The following GUCY1A2 variants were observed in gnomAD, a reference collection of about 807,000 sequenced individuals.
GUCY1A2 encodes the protein guanylate cyclase 1 soluble subunit alpha 2.
In GUCY1A2, 27 loss-of-function variants were observed where a neutral mutation model predicts 63.5. The ratio of observed to expected loss-of-function variants is 0.43; its 90% confidence interval spans 0.31 to 0.59. The LOEUF is 0.59. Among genes scored for constraint, GUCY1A2 ranks in the 20% least tolerant of loss-of-function variants. The probability of loss-of-function intolerance (pLI) is 0.11; values close to 1 mark genes in which losing one functional copy is unlikely to be tolerated. For synonymous variants in GUCY1A2, 364 were observed against 343.5 expected (o/e 1.06, Z -0.66); for missense variants, 768 against 913.3 (o/e 0.84, Z 2.05).
intron 6 of GUCY1A2, among the ~76,000 whole-genome samples, chr11:106,764,978 G>T (rs1358977031): frequency 3.3e-5 from 3 of 90,940 alleles, no homozygotes; most frequent in Admixed American, 1.2e-4. Context: ...TTTGGGGGGG[G>T]GTTGGGGGGC....
intron 4 of GUCY1A2, among the ~76,000 whole-genome samples, chr11:106,913,986 C>CA (rs11325847): frequency 0.1 from 7,353 of 71,126 alleles, 439 homozygotes; most frequent in African/African-American, 0.23. Context: ...AATGAAAAAG[C>CA]AAAAAAAAAA....
chr11:106,993,516 A>C (rs1185520083), intron 1 of GUCY1A2, among the ~76,000 whole-genome samples: 1 of 149,450 alleles, frequency 6.7e-6, no homozygotes, highest in African/African-American at 2.4e-5. Context: ...AACTTACTAC[A>C]TATAAGCCAA....
chr11:107,008,270 C>T (rs1483408376), intron 1 of GUCY1A2, among the ~76,000 whole-genome samples: 1 of 126,792 alleles, frequency 7.9e-6, no homozygotes, highest in South Asian at 2.8e-4. Context: ...CAGAGCAAGA[C>T]TCCATCTCAA....
chr11:106,804,984 C>G (rs917298632), intron 5 of GUCY1A2, among the ~76,000 whole-genome samples: 1 of 152,118 alleles, frequency 6.6e-6, no homozygotes, highest in Non-Finnish European at 1.5e-5. Context: ...GCTTTTCCAG[C>G]TAGGCTTATA....
chr11:106,774,835 T>A (rs1387685799), intron 6 of GUCY1A2, among the ~76,000 whole-genome samples: 3 of 152,202 alleles, frequency 2.0e-5, no homozygotes, highest in African/African-American at 7.2e-5. Context: ...TTTAAACTTG[T>A]CCACTTTGTT....
At chr11:106,733,333 T>C (rs1863535465) in intron 6 of GUCY1A2, among the ~76,000 whole-genome samples, 1 of 152,164 alleles carries the variant, frequency 6.6e-6, no homozygotes, top group African/African-American at 2.4e-5. Flanking sequence ...AAAGCCATTG[T>C]TTAGAGACTA....
At chr11:106,733,835 T>A (rs1863544037) in intron 6 of GUCY1A2, among the ~76,000 whole-genome samples, 1 of 152,024 alleles carries the variant, frequency 6.6e-6, no homozygotes, top group Middle Eastern at 3.2e-3. Flanking sequence ...CAAACTTGGA[T>A]ATCGAAGGCA....
intron 4 of GUCY1A2, among the ~76,000 whole-genome samples, chr11:106,849,629 T>C (rs535160772): frequency 7.2e-5 from 11 of 151,774 alleles, no homozygotes; most frequent in Admixed American, 6.6e-5. Context: ...TCTTTTATCA[T>C]ATATCTACAG....
chr11:106,974,181 A>G (rs1435526250), intron 3 of GUCY1A2, among the ~76,000 whole-genome samples: 3 of 152,062 alleles, frequency 2.0e-5, no homozygotes, highest in Non-Finnish European at 2.9e-5. Context: ...ACTTTTAATG[A>G]AAGAGGAAAT....
chr11:106,716,428 T>C (rs1390063537), intron 6 of GUCY1A2, among the ~76,000 whole-genome samples: 1 of 152,178 alleles, frequency 6.6e-6, no homozygotes, highest in Non-Finnish European at 1.5e-5. Flanking sequence ...GTGCAGACTT[T>C]ATATCCAATC....
chr11:106,889,114 G>A (rs890750320), intron 4 of GUCY1A2, among the ~76,000 whole-genome samples: 1 of 151,856 alleles, frequency 6.6e-6, no homozygotes, highest in Non-Finnish European at 1.5e-5. Flanking sequence ...ATGACTTTTC[G>A]TTGCCATGCC....
chr11:106,701,077 C>T (rs982839610), intron 7 of GUCY1A2, among the ~76,000 whole-genome samples: 8 of 152,044 alleles, frequency 5.3e-5, no homozygotes, highest in East Asian at 1.9e-4. Context: ...TTATTCCATT[C>T]GTCTTTCTCT....
At chr11:106,744,269 C>T (rs1163435981) in intron 6 of GUCY1A2, among the ~76,000 whole-genome samples, 12 of 117,710 alleles carry the variant, frequency 1.0e-4, no homozygotes, top group Non-Finnish European at 1.5e-4. Context: ...TTTTTTGAGA[C>T]GGAGTCTCGC....
rs1262817865 is a variant in GUCY1A2 at position 106,797,542 on chromosome 11, C to T, written c.1692+12451G>A. 2.6e-5 allele frequency among the ~76,000 whole-genome samples: 4 copies of T among 151,356 alleles called. No individual in the cohort carries two copies. The East Asian group carries it at 5.8e-4, about 22-fold the overall frequency. The stretch of plus-strand genomic sequence containing the variant: ...CCACATAGTTGGAAGTAAAGCACTC[C>T]TCAACAGAAATTATAACAAACTGTC... On this transcript the variant is annotated intron_variant, in intron 5 of 7. Coordinates refer to ENST00000526355, the MANE Select transcript of GUCY1A2 (RefSeq NM_000855.3).
rs966224317 is a variant in GUCY1A2 at position 106,677,516 on chromosome 11, C to A, written c.*10033G>T. 4.8e-6 allele frequency: 1 copy of A among 208,748 alleles called. No individual in the cohort carries two copies. Among genetic ancestry groups the A allele is most frequent in the South Asian group, 1.9e-4 (1 of 5,302 alleles). 12.9% of individuals were successfully genotyped at this position (208,748 alleles called of 1,614,324 possible). A position where few individuals can be genotyped will look rare whatever the true frequency, so the allele number is the denominator to read the frequency against. ...GATAATAAATTCTGCACTGGGGAGA[C>A]ATCTATGATGTGACAAGTTATTTTT... On this transcript the variant is annotated 3_prime_UTR_variant, in exon 8 of 8. Coordinates refer to ENST00000526355, the MANE Select transcript of GUCY1A2 (RefSeq NM_000855.3).
chr11:106,902,640 G>C (rs1860149844), intron 4 of GUCY1A2, among the ~76,000 whole-genome samples: 1 of 152,202 alleles, frequency 6.6e-6, no homozygotes, highest in East Asian at 1.9e-4. Flanking sequence ...AATAGTGAAA[G>C]TATTTATAAT....
intron 3 of GUCY1A2, among the ~76,000 whole-genome samples, chr11:106,948,063 GA>G (rs1860854286): frequency 6.6e-6 from 1 of 152,118 alleles, no homozygotes; most frequent in Non-Finnish European, 1.5e-5. Context: ...AAATGGAATG[GA>G]AATGGGTAAG....
At chr11:106,842,145 C>T (rs10160762) in intron 4 of GUCY1A2, among the ~76,000 whole-genome samples, 53,447 of 151,626 alleles carry the variant, frequency 0.35, 9,875 homozygotes, top group East Asian at 0.46. Context: ...GGCTTATTCT[C>T]CCACCTAAGG....
intron 4 of GUCY1A2, among the ~76,000 whole-genome samples, chr11:106,815,279 T>C (rs1437474333): frequency 4.6e-5 from 7 of 152,004 alleles, no homozygotes; most frequent in Admixed American, 4.6e-4. Flanking sequence ...TTTAGGGATC[T>C]TTAGGACAAT....
Sources: gnomAD v4.1 joint callset for allele counts (sites outside exome capture counted in the v4.1 genomes callset) on GRCh38, gnomAD v4.1.1 for gene constraint, MANE v1.5 for transcripts, NCBI Gene and HGNC (gene_info 2026-07-23, HGNC 2026-07-21) for gene names.